The following KCND2 variants were observed in gnomAD, a reference collection of about 807,000 sequenced individuals.
KCND2 encodes potassium voltage-gated channel subfamily D member 2.
A neutral mutation model predicts 54.4 loss-of-function variants in KCND2; 16 were observed. The observed-to-expected ratio is 0.29, with a 90% CI of 0.20 to 0.45. The LOEUF is 0.45. Ranked by LOEUF, KCND2 falls within the 20% of genes least tolerant of loss-of-function variation. The pLI, the probability that KCND2 is intolerant of heterozygous loss-of-function variation, is 1.00. For missense variants in KCND2, 486 were observed against 824.2 expected (o/e 0.59, Z 5.02); for synonymous variants, 317 against 310.7 (o/e 1.02, Z -0.21).
At chr7:120,694,139 T>C (rs1258894847) in intron 1 of KCND2, among the ~76,000 whole-genome samples, 1 of 152,236 alleles carries the variant, frequency 6.6e-6, no homozygotes, top group Non-Finnish European at 1.5e-5. Context: ...GCCATGTTGA[T>C]GCCTCCTTTC....
intron 1 of KCND2, among the ~76,000 whole-genome samples, chr7:120,668,502 C>T (rs746332223): frequency 4.0e-5 from 6 of 151,890 alleles, no homozygotes; most frequent in Non-Finnish European, 7.4e-5. Flanking sequence ...TCCGAATTGT[C>T]CTTTATTTTT....
At chr7:120,530,391 A>G (rs1791828822) in intron 1 of KCND2, among the ~76,000 whole-genome samples, 1 of 152,178 alleles carries the variant, frequency 6.6e-6, no homozygotes, top group African/African-American at 2.4e-5. Flanking sequence ...CTTCTATAGA[A>G]GCCCATTTTT....
intron 1 of KCND2, among the ~76,000 whole-genome samples, chr7:120,477,406 T>C (rs1291057894): frequency 6.6e-6 from 1 of 151,570 alleles, no homozygotes; most frequent in African/African-American, 2.4e-5. Context: ...ATGGGGACTC[T>C]TTGTACTGCT....
intron 1 of KCND2, among the ~76,000 whole-genome samples, chr7:120,597,049 C>T (rs925827433): frequency 6.6e-6 from 1 of 152,178 alleles, no homozygotes; most frequent in Non-Finnish European, 1.5e-5. Context: ...AACTTAATTA[C>T]TATTTTATAT....
chr7:120,678,305 A>C (rs1792091695), intron 1 of KCND2, among the ~76,000 whole-genome samples: 1 of 147,588 alleles, frequency 6.8e-6, no homozygotes, highest in Non-Finnish European at 1.5e-5. Flanking sequence ...AAGTATGTTT[A>C]TTAATCCATG....
intron 1 of KCND2, among the ~76,000 whole-genome samples, chr7:120,355,365 G>A (rs148420370): frequency 6.6e-6 from 1 of 152,062 alleles, no homozygotes; most frequent in African/African-American, 2.4e-5. Flanking sequence ...TGGCCAATAC[G>A]GTGAAACCCC....
At position 120,274,852 on chromosome 7, in the gene KCND2, T is replaced by C; in HGVS notation, c.220T>C (p.Phe74Leu). 6.2e-7 allele frequency: 1 copy of C among 1,614,126 alleles called. No homozygotes were observed. The highest frequency in any genetic ancestry group is 8.5e-7 in the Non-Finnish European group (1 of 1,180,020). Residue 74 changes from phenylalanine to leucine, a missense_variant, in exon 1 of 6, where the codon TTT becomes CTT. Around this residue, in one of 7 missense-constraint regions of KCND2, gnomAD observed 231 missense variants for 386.0 expected, o/e 0.60. Transcript: ENST00000331113. ...DTLLGSSERD[F>L]FYHPETQQYF... ...TCTACTGGGCAGTTCTGAGAGGGAC[T>C]TTTTCTACCACCCAGAAACTCAGCA...
chr7:120,745,273 G>A (rs551862856), intron 4 of KCND2, among the ~76,000 whole-genome samples: 4 of 152,214 alleles, frequency 2.6e-5, no homozygotes, highest in African/African-American at 7.2e-5. Flanking sequence ...TAGTGTCTTA[G>A]GGGTCTCATT....
chr7:120,416,409 A>C (rs1482013599), intron 1 of KCND2, among the ~76,000 whole-genome samples: 2 of 152,170 alleles, frequency 1.3e-5, no homozygotes, highest in Non-Finnish European at 2.9e-5. Flanking sequence ...CTCAAAAATC[A>C]CTTCTTCATA....
intron 1 of KCND2, among the ~76,000 whole-genome samples, chr7:120,320,139 G>T (rs1273061867): frequency 6.6e-6 from 1 of 152,036 alleles, no homozygotes; most frequent in Admixed American, 6.6e-5. Context: ...AATTTGAATT[G>T]GGAGTATGTG....
intron 1 of KCND2, among the ~76,000 whole-genome samples, chr7:120,636,878 C>T (rs927814590): frequency 6.6e-6 from 1 of 152,054 alleles, no homozygotes; most frequent in Non-Finnish European, 1.5e-5. Flanking sequence ...TACAGTATGC[C>T]TATATACCCT....
chr7:120,273,568 C>T lies in KCND2; in HGVS notation c.-1065C>T, dbSNP rs1799115661. The T allele has an allele frequency of 6.5e-6, 1 of 153,088 alleles. No individual in the cohort carries two copies. The highest frequency in any genetic ancestry group is 2.4e-5 in the African/African-American group (1 of 41,446). The allele number at this position is 153,088 out of a possible 1,614,324, so 9.5% of individuals were successfully genotyped here. ...TGCTGCTCTGCTCGCCTGCGCCTGG[C>T]TTTTGGAAGGTGAAAAGGAGGAGGG... On this transcript the variant is annotated 5_prime_UTR_variant, in exon 1 of 6. Transcript: ENST00000331113.
intron 1 of KCND2, among the ~76,000 whole-genome samples, chr7:120,603,600 G>A (rs1792842019): frequency 6.6e-6 from 1 of 152,148 alleles, no homozygotes; most frequent in African/African-American, 2.4e-5. Flanking sequence ...CAATGAGATA[G>A]GCATTGGATC....
At position 120,463,629 on chromosome 7, in the gene KCND2, AG is replaced by A. The variant is rs1353786316; in HGVS notation, c.1115+187884del. On this transcript the variant is annotated intron_variant, in intron 1 of 5. Transcript: ENST00000331113. ...TCTTTACTCTTGGGTTGTAAATTAT[AG>A]GTTGAAATTTACTAGCAGCCACTGT... Among the ~76,000 whole-genome samples the A allele has an allele frequency of 2.6e-5, 4 of 152,210 alleles. No homozygotes were observed. In the South Asian group the frequency reaches 6.2e-4, roughly 24 times the overall value.
intron 1 of KCND2, among the ~76,000 whole-genome samples, chr7:120,558,966 A>G (rs1792198533): frequency 6.6e-6 from 1 of 151,558 alleles, no homozygotes; most frequent in Non-Finnish European, 1.5e-5. Flanking sequence ...AATATTGATA[A>G]GTGAGGTAGC....
chr7:120,481,415 A>G (rs143533094), intron 1 of KCND2, among the ~76,000 whole-genome samples: 3 of 152,342 alleles, frequency 2.0e-5, no homozygotes, highest in South Asian at 2.1e-4. Context: ...TGGCCTGGCC[A>G]TGTAAAGAAT....
chr7:120,577,580 AT>A (rs1562877768), intron 1 of KCND2, among the ~76,000 whole-genome samples: 1 of 151,920 alleles, frequency 6.6e-6, no homozygotes, highest in Admixed American at 6.6e-5. Flanking sequence ...ACCAAACCGT[AT>A]TTTTTTGGTT....
chr7:120,407,409 T>G (rs1229647828), intron 1 of KCND2, among the ~76,000 whole-genome samples: 1 of 152,022 alleles, frequency 6.6e-6, no homozygotes, highest in African/African-American at 2.4e-5. Flanking sequence ...GTGACAGCAC[T>G]TCATGCATGC....
chr7:120,654,896 A>C (rs1207446832), intron 1 of KCND2, among the ~76,000 whole-genome samples: 1 of 152,142 alleles, frequency 6.6e-6, no homozygotes, highest in African/African-American at 2.4e-5. Context: ...AAGGATACAC[A>C]AGAAATGATC....
Sources: gnomAD v4.1 joint callset for allele counts (sites outside exome capture counted in the v4.1 genomes callset) on GRCh38, gnomAD v4.1.1 for gene constraint, gnomAD v4.1.1 regional missense constraint, MANE v1.5 for transcripts, NCBI Gene and HGNC (gene_info 2026-07-23, HGNC 2026-07-21) for gene names.